The following MRO variants were observed in gnomAD, a reference collection of about 807,000 sequenced individuals.
MRO encodes protein maestro.
Under a neutral mutation model 31.0 loss-of-function variants are expected in MRO, and 28 were observed. The observed-to-expected ratio is 0.90, with a 90% CI of 0.67 to 1.24. MRO has a LOEUF of 1.24. MRO is among the 50% of genes most tolerant of loss of function. MRO has a pLI of 0.00. For missense variants in MRO, 332 were observed against 289.2 expected, an observed-to-expected ratio of 1.15 and a Z score of -1.07; for synonymous variants, 108 against 108.4, an observed-to-expected ratio of 1.00 and a Z score of 0.02.
At chr18:50,822,394 A>AG (rs1381966882), upstream of MRO, among the ~76,000 whole-genome samples, 3 of 130,730 alleles carry the variant, frequency 2.3e-5, no homozygotes, top group Admixed American at 2.3e-4. Context: ...GCTGGAGTGC[A>AG]GTGGGGGGAA....
In MRO at chr18:50,796,664, G is replaced by A. The variant is rs1267237913; in HGVS notation, c.*2673C>T. The A allele has an allele frequency of 6.6e-6, 1 of 152,230 alleles. No homozygotes were observed. The highest frequency in any genetic ancestry group is 1.5e-5 in the Non-Finnish European group (1 of 68,094). The allele number at this position is 152,230 out of a possible 1,614,324, so 9.4% of individuals were successfully genotyped here. ...AAATAGCAGACTGAGCAAAGGTGAGGGGGTATAGGAGAACAAGACATGTTG... is the reference window on the plus strand; with the variant it reads ...AAATAGCAGACTGAGCAAAGGTGAGAGGGTATAGGAGAACAAGACATGTTG... On this transcript the variant is annotated 3_prime_UTR_variant, in exon 8 of 8. Coordinates refer to ENST00000398439, the MANE Select transcript of MRO (RefSeq NM_031939.6).
chr18:50,814,901 A>T (rs1914775744), intron 2 of MRO: 1 of 154,682 alleles, frequency 6.5e-6, no homozygotes, highest in Non-Finnish European at 1.4e-5. Context: ...TCTCTACTAC[A>T]AATACAAAAA....
intron 3 of MRO, among the ~76,000 whole-genome samples, chr18:50,808,735 G>C (rs1039942494): frequency 2.6e-5 from 4 of 151,594 alleles, no homozygotes; most frequent in Non-Finnish European, 5.9e-5. Context: ...GATTACAGAG[G>C]TGAGCCACCA....
chr18:50,802,510 T>C (rs1168151371), intron 5 of MRO, among the ~76,000 whole-genome samples: 1 of 152,174 alleles, frequency 6.6e-6, no homozygotes, highest in Non-Finnish European at 1.5e-5. Context: ...CACGGGTTTT[T>C]ATATCAGTGT....
At chr18:50,824,451 T>C (rs139424919), upstream of MRO, among the ~76,000 whole-genome samples, 22,082 of 150,742 alleles carry the variant, frequency 0.15, 1,738 homozygotes, top group African/African-American at 0.19. Context: ...TTCTTTTTTT[T>C]TTTCTTTCTT....
chr18:50,817,575 C>CGGGCCTGAGCATTGCACTTATTGTATGTG (rs1915035314), intron 2 of MRO, among the ~76,000 whole-genome samples: 1 of 151,566 alleles, frequency 6.6e-6, no homozygotes. Context: ...CAGGGAGTGT[C>CGGGCCTGAGCATTGCACTTATTGTATGTG]GGGCCTGAGC....
rs1470579095 is a variant in MRO at position 50,795,867 on chromosome 18, G to C, written c.*3470C>G. The C allele has an allele frequency of 6.6e-6, 1 of 152,256 alleles. No individual in the cohort carries two copies. Among genetic ancestry groups the C allele is most frequent in the Non-Finnish European group, 1.5e-5 (1 of 68,104 alleles). The allele number at this position is 152,256 out of a possible 1,614,324, so 9.4% of individuals were successfully genotyped here. A position where few individuals can be genotyped will look rare whatever the true frequency, so the allele number is the denominator to read the frequency against. On this transcript the variant is annotated 3_prime_UTR_variant, in exon 8 of 8. Coordinates refer to ENST00000398439, the MANE Select transcript of MRO (RefSeq NM_031939.6). Reference sequence around the variant, plus strand: ...AGACAGGAGAATCGCTTGAACCCAGGAGGTGGAGGTTGCAGTGAGCCGAGA... The same window carrying C: ...AGACAGGAGAATCGCTTGAACCCAGCAGGTGGAGGTTGCAGTGAGCCGAGA...
At chr18:50,807,767 C>T (rs1238326029) in intron 3 of MRO, among the ~76,000 whole-genome samples, 3 of 152,206 alleles carry the variant, frequency 2.0e-5, no homozygotes, top group African/African-American at 7.2e-5. Context: ...TTGGGGAACA[C>T]TGTGTGTCTG....
In MRO at chr18:50,799,298, A is replaced by C; in HGVS notation, c.*39T>G. ...AAACAGGGGAACATGATGGCTCAGCAATGCACTCATACAGAACCATTTCCC... is the reference window on the plus strand; with the variant it reads ...AAACAGGGGAACATGATGGCTCAGCCATGCACTCATACAGAACCATTTCCC... On this transcript the variant is annotated 3_prime_UTR_variant, in exon 8 of 8. Transcript: ENST00000398439. 2 of 1,554,272 alleles carry C rather than the reference A, an allele frequency of 1.3e-6. No individual in the cohort carries two copies. Among genetic ancestry groups the C allele is most frequent in the Non-Finnish European group, 1.8e-6 (2 of 1,125,414 alleles).
At position 50,817,324 on chromosome 18, in the gene MRO, C is replaced by T. The variant is rs1423808280; in HGVS notation, c.-5+2257G>A. 5.9e-5 allele frequency among the ~76,000 whole-genome samples: 9 copies of T among 152,026 alleles called. No homozygotes were observed. In the East Asian group the frequency reaches 7.7e-4, roughly 13 times the overall value. The stretch of plus-strand genomic sequence containing the variant: ...TTGCACCTTCTATATCAGAATTCCC[C>T]GGGGTACGTGTTACAAACTCCAAGC... On this transcript the variant is annotated intron_variant, in intron 2 of 7. Transcript: ENST00000398439.
In MRO at chr18:50,806,685, C is replaced by A; in HGVS notation, c.246+19G>T. On this transcript the variant is annotated intron_variant, in intron 4 of 7. Transcript: ENST00000398439. ...GGAGAGGCTTGGGGAGCTGGCTGAGCCCCACTCTCCTTCCCTACCTTGTCA... is the reference window on the plus strand; with the variant it reads ...GGAGAGGCTTGGGGAGCTGGCTGAGACCCACTCTCCTTCCCTACCTTGTCA... 2 of 1,613,622 alleles carry A rather than the reference C, an allele frequency of 1.2e-6. No homozygotes were observed. The highest frequency in any genetic ancestry group is 1.7e-6 in the Non-Finnish European group (2 of 1,179,940).
rs1008580802 is a variant in MRO, at chr18:50,795,314, T to C, written c.*4023A>G. On this transcript the variant is annotated 3_prime_UTR_variant, in exon 8 of 8. Coordinates refer to ENST00000398439, the MANE Select transcript of MRO (RefSeq NM_031939.6). ...ACACTCATGGACTTTTTTTTCATTT[T>C]AAAAGGGCATTTTGCATGTGTTTTA... 6.6e-6 allele frequency: 1 copy of C among 152,242 alleles called. No individual in the cohort carries two copies. Among genetic ancestry groups the C allele is most frequent in the Non-Finnish European group, 1.5e-5 (1 of 68,038 alleles). 9.4% of individuals were successfully genotyped at this position (152,242 alleles called of 1,614,324 possible).
chr18:50,824,708 C>G (rs1287238521), upstream of MRO, among the ~76,000 whole-genome samples: 3 of 149,590 alleles, frequency 2.0e-5, no homozygotes, highest in Non-Finnish European at 4.5e-5. Context: ...CCCACCTCGG[C>G]CTCCCAAAGT....
Position 50,806,528 on chromosome 18 carries a change from C to T in MRO, c.246+176G>A, listed in dbSNP as rs116068005. Among the ~76,000 whole-genome samples, 509 of 152,264 alleles carry T rather than the reference C, an allele frequency of 3.3e-3. 4 individuals are homozygous for T. The highest frequency in any genetic ancestry group is 0.012 in the African/African-American group (482 of 41,544). On this transcript the variant is annotated intron_variant, in intron 4 of 7. Transcript: ENST00000398439. ...CTGAGCTGCACCTGGACTCCTGACC[C>T]GCGAAAACCCGAGATAATCAACACG...
chr18:50,802,279 A>T (rs1309070851), intron 5 of MRO, among the ~76,000 whole-genome samples: 1 of 151,388 alleles, frequency 6.6e-6, no homozygotes, highest in Non-Finnish European at 1.5e-5. Flanking sequence ...TTCCCCCAAC[A>T]CCCTCCCACC....
chr18:50,799,974 C>G, intron 7 of MRO, 62 bp downstream of exon 7: 1 of 1,162,602 alleles, frequency 8.6e-7, no homozygotes, highest in Non-Finnish European at 1.3e-6. Context: ...GGCCACCTTC[C>G]GTGTTAACCA....
In MRO at chr18:50,806,624, T is replaced by C. The variant is rs138256327; in HGVS notation, c.246+80A>G. 66 of 1,536,738 alleles carry C rather than the reference T, an allele frequency of 4.3e-5. 1 individual carries two copies. The East Asian group carries it at 1.3e-3, about 30-fold the overall frequency. On this transcript the variant is annotated intron_variant, in intron 4 of 7. Coordinates refer to ENST00000398439, the MANE Select transcript of MRO (RefSeq NM_031939.6). The stretch of plus-strand genomic sequence containing the variant: ...TAGATAACTAATACAACAGACACCA[T>C]ACTCCAGCCCTGGGAGTCTCCACAC...
chr18:50,804,172 T>A (rs894647977), intron 5 of MRO, among the ~76,000 whole-genome samples: 24 of 150,892 alleles, frequency 1.6e-4, no homozygotes, highest in African/African-American at 5.6e-4. Flanking sequence ...GAAGATTATA[T>A]GAGATGATTC....
At chr18:50,815,181 C>T (rs1457395618) in intron 2 of MRO, 1 of 193,998 alleles carries the variant, frequency 5.2e-6, no homozygotes, top group East Asian at 1.3e-4. Flanking sequence ...TTCAGATATA[C>T]CACGCCATTA....
Sources: allele counts gnomAD v4.1 joint callset (sites outside exome capture counted in the v4.1 genomes callset), GRCh38; gene constraint gnomAD v4.1.1; transcripts MANE v1.5; gene names NCBI Gene and HGNC (gene_info 2026-07-23, HGNC 2026-07-21).